Variants in STK3 observed in about 807,000 individuals in gnomAD.
The protein encoded by STK3 is serine/threonine kinase 3.
A neutral mutation model predicts 58.0 loss-of-function variants in STK3; 41 were observed. That is an observed-to-expected ratio of 0.71 (90% CI 0.55 to 0.92). The LOEUF (loss-of-function observed/expected upper bound fraction) is 0.92. Among genes scored for constraint, STK3 ranks in the 40% least tolerant of loss-of-function variants. STK3 has a pLI of 0.00. For synonymous variants in STK3, 170 were observed against 191.0 expected, an observed-to-expected ratio of 0.89 and a Z score of 0.91; for missense variants, 479 against 602.7, an observed-to-expected ratio of 0.79 and a Z score of 2.15.
upstream of STK3, among the ~76,000 whole-genome samples, chr8:98,390,655 C>A (rs903002052): frequency 6.6e-6 from 1 of 151,778 alleles, no homozygotes; most frequent in African/African-American, 2.4e-5. Flanking sequence ...TGTCTCCTTC[C>A]TTTCTGGGTC....
intron 6 of STK3, among the ~76,000 whole-genome samples, chr8:98,668,591 A>T (rs985793222): frequency 1.3e-5 from 2 of 152,228 alleles, no homozygotes; most frequent in African/African-American, 4.8e-5. Flanking sequence ...AATTGTATTT[A>T]TAAAAATAAT....
chr8:98,905,026 C>G, intron 1 of STK3: 1 of 851,758 alleles, frequency 1.2e-6, no homozygotes, highest in Non-Finnish European at 2.0e-6. Context: ...GCATATGCAT[C>G]GTTGTAATAC....
At chr8:98,937,162 C>T (rs906596432) in intron 1 of STK3, among the ~76,000 whole-genome samples, 2 of 152,142 alleles carry the variant, frequency 1.3e-5, no homozygotes, top group African/African-American at 4.8e-5. Flanking sequence ...GCCAATCTAG[C>T]CGTCTGCCTC....
chr8:98,431,536 T>C (rs768398723), intron 3 of STK3: 1 of 167,092 alleles, frequency 6.0e-6, no homozygotes, highest in Non-Finnish European at 1.5e-5. Flanking sequence ...TGGTACAGAC[T>C]TATGAGGACG....
chr8:98,765,002 AG>A (rs1830855590), intron 3 of STK3, among the ~76,000 whole-genome samples: 1 of 152,218 alleles, frequency 6.6e-6, no homozygotes, highest in Non-Finnish European at 1.5e-5. Flanking sequence ...AATGGGTTGG[AG>A]GAGGCAAACA....
chr8:98,613,408 T>A (rs1391516953), intron 6 of STK3, among the ~76,000 whole-genome samples: 1 of 151,958 alleles, frequency 6.6e-6, no homozygotes, highest in African/African-American at 2.4e-5. Flanking sequence ...ATGTCAGAAG[T>A]ATCTGACAAA....
chr8:98,467,379 CTT>C (rs1313234126), intron 10 of STK3, among the ~76,000 whole-genome samples: 1 of 152,042 alleles, frequency 6.6e-6, no homozygotes, highest in Non-Finnish European at 1.5e-5. Flanking sequence ...TGGTGGGTCT[CTT>C]AGTAATCGCT....
chr8:98,862,905 T>C (rs963808509), intron 3 of STK3, among the ~76,000 whole-genome samples: 2 of 152,246 alleles, frequency 1.3e-5, no homozygotes, highest in African/African-American at 4.8e-5. Context: ...ACCAGCCTAG[T>C]AGAGATTCAG....
chr8:98,408,932 C>A (rs1818026690), intron 3 of STK3, among the ~76,000 whole-genome samples: 1 of 152,178 alleles, frequency 6.6e-6, no homozygotes, highest in South Asian at 2.1e-4. Context: ...CCATGTGACC[C>A]AATTTTGAGT....
At chr8:98,760,251 T>C (rs537503205) in intron 3 of STK3, among the ~76,000 whole-genome samples, 1 of 152,208 alleles carries the variant, frequency 6.6e-6, no homozygotes, top group Non-Finnish European at 1.5e-5. Context: ...AAGTGATCCT[T>C]CCACCTCAGC....
intron 4 of STK3, among the ~76,000 whole-genome samples, chr8:98,731,139 T>A (rs1828167517): frequency 6.6e-6 from 1 of 152,000 alleles, no homozygotes. Flanking sequence ...AAGGCACAAG[T>A]GAGTACAATA....
Position 98,765,871 on chromosome 8 carries a change from T to C in STK3, c.236+1372A>G, listed in dbSNP as rs139872186. 7.4e-4 allele frequency among the ~76,000 whole-genome samples: 113 copies of C among 152,362 alleles called. 1 individual carries two copies. The highest frequency in any genetic ancestry group is 6.8e-3 in the Middle Eastern group (2 of 294). On this transcript the variant is annotated intron_variant, in intron 3 of 10. Coordinates refer to ENST00000419617, the MANE Select transcript of STK3 (RefSeq NM_006281.4). ...TAATTTATATACTCTGAATCCCTTA[T>C]AGAATAAAGCCTAGGCTACTTCACA...
At chr8:98,732,916 T>C (rs1200389909) in intron 4 of STK3, among the ~76,000 whole-genome samples, 3 of 152,178 alleles carry the variant, frequency 2.0e-5, no homozygotes. Flanking sequence ...CAGAAAATTA[T>C]ATAACAACAT....
At chr8:98,695,383 G>A (rs1409919217) in intron 6 of STK3, among the ~76,000 whole-genome samples, 5 of 152,070 alleles carry the variant, frequency 3.3e-5, no homozygotes, top group Admixed American at 1.3e-4. Flanking sequence ...GGCTTTTGTT[G>A]CCATTGCTTT....
intron 1 of STK3, among the ~76,000 whole-genome samples, chr8:98,443,308 G>T (rs1389432278): frequency 1.3e-5 from 2 of 152,166 alleles, no homozygotes; most frequent in African/African-American, 4.8e-5. Context: ...AGCTTTCAGG[G>T]TATTGGCTAT....
chr8:98,587,308 C>T (rs1165079711), intron 7 of STK3, among the ~76,000 whole-genome samples: 2 of 151,976 alleles, frequency 1.3e-5, no homozygotes, highest in African/African-American at 2.4e-5. Context: ...TCTTTGTTCT[C>T]ATTGGTTTCA....
At chr8:98,623,719 G>A (rs1818503964) in intron 6 of STK3, among the ~76,000 whole-genome samples, 1 of 152,156 alleles carries the variant, frequency 6.6e-6, no homozygotes, top group Admixed American at 6.5e-5. Context: ...AGGAGGTCGC[G>A]GCTGCAGTGA....
At chr8:98,814,910 A>C (rs748578287) in intron 1 of STK3, among the ~76,000 whole-genome samples, 4 of 152,150 alleles carry the variant, frequency 2.6e-5, no homozygotes, top group African/African-American at 4.8e-5. Flanking sequence ...TTGAACTCCT[A>C]GACTAAAGCA....
chr8:98,841,375 T>C (rs1835974579), intron 3 of STK3, among the ~76,000 whole-genome samples: 1 of 152,232 alleles, frequency 6.6e-6, no homozygotes, highest in Admixed American at 6.5e-5. Flanking sequence ...TAAACTGCAC[T>C]TGAATTATGT....
Sources: gnomAD v4.1 joint callset for allele counts (sites outside exome capture counted in the v4.1 genomes callset) on GRCh38, gnomAD v4.1.1 for gene constraint, MANE v1.5 for transcripts, NCBI Gene and HGNC (gene_info 2026-07-23, HGNC 2026-07-21) for gene names.